PACS2: variants seen among roughly 807,000 people sequenced by gnomAD.
The protein encoded by PACS2 is PACS1-like protein.
A neutral mutation model predicts 113.0 loss-of-function variants in PACS2; 36 were observed. That is an observed-to-expected ratio of 0.32 (90% CI 0.24 to 0.42). The LOEUF is 0.42. Among genes scored for constraint, PACS2 ranks in the 10% least tolerant of loss-of-function variants. The pLI is 1.00. For missense variants in PACS2, 1,015 were observed against 1,239.5 expected (o/e 0.82, Z 2.72); for synonymous variants, 589 against 536.1 (o/e 1.10, Z -1.36).
chr14:105,391,398 G>A (rs1256001249), intron 21 of PACS2, 149 bp downstream of exon 21: 1 of 695,708 alleles, frequency 1.4e-6, no homozygotes, highest in Non-Finnish European at 2.5e-6. Context: ...TCCTGCGGGG[G>A]GTTCATCCTC....
Position 105,376,160 on chromosome 14 carries a change from G to T in PACS2, c.802-608G>T, listed in dbSNP as rs4073351. 0.05 allele frequency among the ~76,000 whole-genome samples: 7,611 copies of T among 152,132 alleles called. 644 individuals carry two copies. The highest frequency in any genetic ancestry group is 0.17 in the African/African-American group (7,180 of 41,434). On this transcript the variant is annotated intron_variant, in intron 8 of 24. Coordinates refer to ENST00000447393, the MANE Select transcript of PACS2 (RefSeq NM_001100913.3). The surrounding 1 kb of genome is among the most constrained non-coding windows in gnomAD (Gnocchi z 4.7). ...CCCCAGGATCCAGTTACCTCCACTT[G>T]TCCTGCCCTTGGCACGTGGGGCTTA... is the stretch of plus-strand genomic sequence containing the variant.
At chr14:105,331,917 A>G (rs587727257) in intron 1 of PACS2, among the ~76,000 whole-genome samples, 5 of 152,252 alleles carry the variant, frequency 3.3e-5, no homozygotes, top group African/African-American at 9.6e-5. Context: ...CTAGGTTGAC[A>G]GTTTTGTCTC....
At position 105,355,660 on chromosome 14, in the gene PACS2, C is replaced by T. The variant is rs1555405214; in HGVS notation, c.423+483C>T. On this transcript the variant is annotated intron_variant, in intron 4 of 24. Coordinates refer to ENST00000447393, the MANE Select transcript of PACS2 (RefSeq NM_001100913.3). This position sits in a 1 kb window ranked among gnomAD's most constrained non-coding sequence, Gnocchi z 4.1. ...ATACCCGAGCAGGGCGGGGGCAGCACCCAGAGGTCAGAGGGGTGGCTGGAG... is the reference window on the plus strand; with the variant it reads ...ATACCCGAGCAGGGCGGGGGCAGCATCCAGAGGTCAGAGGGGTGGCTGGAG... 6.6e-6 allele frequency among the ~76,000 whole-genome samples: 1 copy of T among 152,176 alleles called. No individual in the cohort carries two copies. The highest frequency in any genetic ancestry group is 2.4e-5 in the African/African-American group (1 of 41,442).
chr14:105,354,173 GAAA>G lies in PACS2; in HGVS notation c.298-878_298-876del. Among the ~76,000 whole-genome samples, 3 of 152,142 alleles carry G rather than the reference GAAA, an allele frequency of 2.0e-5. No individual in the cohort carries two copies. Among genetic ancestry groups the G allele is most frequent in the African/African-American group, 7.2e-5 (3 of 41,440 alleles). On this transcript the variant is annotated intron_variant, in intron 3 of 24. Coordinates refer to ENST00000447393, the MANE Select transcript of PACS2 (RefSeq NM_001100913.3). The surrounding 1 kb of genome is among the most constrained non-coding windows in gnomAD (Gnocchi z 4.2). ...TGCTCTTCTATTTAAAAAGATAGGG[GAAA>G]CTCAGAGTTCACAAGCAATCCCAGC... is the stretch of plus-strand genomic sequence containing the variant.
At chr14:105,392,135 C>T (rs938863627) in intron 22 of PACS2, 2 of 339,736 alleles carry the variant, frequency 5.9e-6, no homozygotes, top group African/African-American at 4.3e-5. Context: ...TGTGCTGAGG[C>T]CCCGCTAGCC....
rs923813254 is a variant in PACS2 at position 105,376,569 on chromosome 14, C to T, written c.802-199C>T. 4.6e-5 allele frequency among the ~76,000 whole-genome samples: 7 copies of T among 152,146 alleles called. No homozygotes were observed. Among genetic ancestry groups the T allele is most frequent in the Admixed American group, 1.3e-4 (2 of 15,282 alleles). The stretch of plus-strand genomic sequence containing the variant: ...GGAGGTGGAGGAATGCCACACGCAC[C>T]GGTACCTGGGGACCGGGGGTCCTCG... On this transcript the variant is annotated intron_variant, in intron 8 of 24. Coordinates refer to ENST00000447393, the MANE Select transcript of PACS2 (RefSeq NM_001100913.3). The surrounding 1 kb of genome is among the most constrained non-coding windows in gnomAD (Gnocchi z 4.7).
Position 105,376,574 on chromosome 14 carries a change from C to A in PACS2, c.802-194C>A, listed in dbSNP as rs78792842. Reference sequence around the variant, plus strand: ...TGGAGGAATGCCACACGCACCGGTACCTGGGGACCGGGGGTCCTCGGTGAT... The same window carrying A: ...TGGAGGAATGCCACACGCACCGGTAACTGGGGACCGGGGGTCCTCGGTGAT... On this transcript the variant is annotated intron_variant, in intron 8 of 24. Coordinates refer to ENST00000447393, the MANE Select transcript of PACS2 (RefSeq NM_001100913.3). This position sits in a 1 kb window ranked among gnomAD's most constrained non-coding sequence, Gnocchi z 4.7. 6.6e-6 allele frequency among the ~76,000 whole-genome samples: 1 copy of A among 152,108 alleles called. No individual in the cohort carries two copies. Among genetic ancestry groups the A allele is most frequent in the South Asian group, 2.1e-4 (1 of 4,832 alleles).
chr14:105,380,812 G>A (rs2080964924), intron 11 of PACS2, 145 bp from the exon 12 acceptor site: 1 of 740,506 alleles, frequency 1.4e-6, no homozygotes. Context: ...TAGGCTCCCT[G>A]GTCAGCGTAT....
chr14:105,347,985 C>T (rs2060005801), intron 1 of PACS2, among the ~76,000 whole-genome samples: 1 of 151,584 alleles, frequency 6.6e-6, no homozygotes, highest in African/African-American at 2.4e-5. Flanking sequence ...GGCCTCAGGA[C>T]GGAATGATGG....
In PACS2 at chr14:105,368,468, G is replaced by A. The variant is rs1555408517; in HGVS notation, c.670G>A (p.Glu224Lys). 5 of 1,613,792 alleles carry A rather than the reference G, an allele frequency of 3.1e-6. No homozygotes were observed. Among genetic ancestry groups the A allele is most frequent in the South Asian group, 1.1e-5 (1 of 91,076 alleles). The stretch of plus-strand genomic sequence containing the variant: ...GCATATGTCTCTGCAGGACTTGGAC[G>A]AGGACGACTTTGACGTGGGGAAGCC... ...DDAVQGQDLD[E>K]DDFDVGKPKK... Residue 224 changes from glutamate (E) to lysine (K), a missense_variant, in exon 7 of 25, where the codon GAG becomes AAG. Physicochemically the swap from Glu to Lys is moderately conservative, Grantham distance 56 (BLOSUM62 1). Transcript: ENST00000447393.
chr14:105,321,683 CTA>C (rs895820027), intron 1 of PACS2, among the ~76,000 whole-genome samples: 9 of 151,476 alleles, frequency 5.9e-5, no homozygotes, highest in Non-Finnish European at 1.3e-4. Context: ...ATTTTTGAGG[CTA>C]TGTTATTAGG....
chr14:105,378,496 A>G (rs145167515), intron 9 of PACS2, among the ~76,000 whole-genome samples: 5 of 152,290 alleles, frequency 3.3e-5, no homozygotes, highest in Non-Finnish European at 7.3e-5. Context: ...TGCAGCCTCA[A>G]CCACCTGGGC....
chr14:105,359,665 C>G (rs1555406038), intron 4 of PACS2, among the ~76,000 whole-genome samples: 2 of 148,450 alleles, frequency 1.3e-5, no homozygotes, highest in Non-Finnish European at 3.0e-5. Flanking sequence ...AATCTCAGCT[C>G]ACTGCAACCT....
intron 7 of PACS2, among the ~76,000 whole-genome samples, chr14:105,369,261 C>T (rs1316821806): frequency 9.6e-4 from 146 of 152,384 alleles, no homozygotes; most frequent in South Asian, 2.1e-4. Context: ...GAGCAGCCCC[C>T]GCTGTGCAGA....
chr14:105,369,626 C>T (rs1454224762), intron 7 of PACS2, among the ~76,000 whole-genome samples: 7 of 152,006 alleles, frequency 4.6e-5, no homozygotes, highest in Non-Finnish European at 7.4e-5. Flanking sequence ...GCACACGCCT[C>T]CCCGGGTCCC....
intron 1 of PACS2, among the ~76,000 whole-genome samples, chr14:105,333,059 C>T (rs1187006033): frequency 2.6e-5 from 4 of 152,070 alleles, no homozygotes; most frequent in African/African-American, 7.3e-5. Context: ...GGATGCAGAC[C>T]GAGCCTGGGC....
Position 105,365,274 on chromosome 14 carries a change from G to A in PACS2, c.424-1939G>A, listed in dbSNP as rs1209109386. On this transcript the variant is annotated intron_variant, in intron 4 of 24. Coordinates refer to ENST00000447393, the MANE Select transcript of PACS2 (RefSeq NM_001100913.3). The surrounding 1 kb of genome is among the most constrained non-coding windows in gnomAD (Gnocchi z 5.1). Reference sequence around the variant, plus strand: ...GGGAGTGCCCAGCTCAGGGGTGGCTGGCCCCTTGGCAGGAGGACGCACGCC... The same window carrying A: ...GGGAGTGCCCAGCTCAGGGGTGGCTAGCCCCTTGGCAGGAGGACGCACGCC... Among the ~76,000 whole-genome samples the A allele has an allele frequency of 6.6e-6, 1 of 152,202 alleles. No homozygotes were observed. The highest frequency in any genetic ancestry group is 1.5e-5 in the Non-Finnish European group (1 of 68,024).
intron 2 of PACS2, among the ~76,000 whole-genome samples, chr14:105,349,010 C>T (rs190746517): frequency 1.1e-4 from 17 of 152,358 alleles, no homozygotes; most frequent in Admixed American, 1.1e-3. Flanking sequence ...CCCCTGGTGC[C>T]AGGGCCTCTC....
intron 1 of PACS2, among the ~76,000 whole-genome samples, chr14:105,341,766 C>T (rs925293768): frequency 4.6e-5 from 7 of 152,106 alleles, no homozygotes; most frequent in Non-Finnish European, 8.8e-5. Context: ...GCTTTTTATT[C>T]TTCGTGTTTG....
Sources: allele counts gnomAD v4.1 joint callset (sites outside exome capture counted in the v4.1 genomes callset), GRCh38; gene constraint gnomAD v4.1.1; non-coding constraint Gnocchi (gnomAD v3.1); transcripts MANE v1.5; gene names NCBI Gene and HGNC (gene_info 2026-07-23, HGNC 2026-07-21).